Variants in LCLAT1 observed in about 807,000 individuals in gnomAD.
The protein encoded by LCLAT1 is 1-AGP acyltransferase 8.
LCLAT1 carries 11 observed loss-of-function variants against 30.7 expected under a neutral mutation model. That is an observed-to-expected ratio of 0.36 (90% confidence interval 0.23 to 0.59). The LOEUF (loss-of-function observed/expected upper bound fraction) is 0.59. Among genes scored for constraint, LCLAT1 ranks in the 20% least tolerant of loss-of-function variants. The probability of loss-of-function intolerance (pLI) is 0.77; values close to 1 mark genes in which losing one functional copy is unlikely to be tolerated. For synonymous variants in LCLAT1, 155 were observed against 151.3 expected (o/e 1.02, Z -0.18); for missense variants, 402 against 458.6 (o/e 0.88, Z 1.13).
chr2:30,631,436 A>G (rs767764867), intron 5 of LCLAT1, among the ~76,000 whole-genome samples: 3 of 152,184 alleles, frequency 2.0e-5, no homozygotes, highest in Non-Finnish European at 4.4e-5. Context: ...GGAGAGGAGT[A>G]GACTGAATGT....
At chr2:30,576,749 C>T (rs951125475) in intron 5 of LCLAT1, among the ~76,000 whole-genome samples, 1 of 151,956 alleles carries the variant, frequency 6.6e-6, no homozygotes, top group Non-Finnish European at 1.5e-5. Flanking sequence ...GTGTCCATTT[C>T]ATTATTTATA....
chr2:30,514,544 C>T (rs901994197), intron 1 of LCLAT1, among the ~76,000 whole-genome samples: 2 of 152,044 alleles, frequency 1.3e-5, no homozygotes, highest in African/African-American at 4.8e-5. Flanking sequence ...ATGTAAATAC[C>T]AAGAGCCCTC....
At chr2:30,594,950 A>G (rs575604622) in intron 5 of LCLAT1, among the ~76,000 whole-genome samples, 43 of 152,318 alleles carry the variant, frequency 2.8e-4, no homozygotes, top group Middle Eastern at 3.4e-3. Flanking sequence ...CCTAAAGCCT[A>G]TCCCATTCAG....
In LCLAT1 at chr2:30,513,317, A is replaced by G. The variant is rs924394449; in HGVS notation, c.-4-12270A>G. 4.6e-5 allele frequency among the ~76,000 whole-genome samples: 7 copies of G among 151,826 alleles called. No homozygotes were observed. The East Asian group carries it at 9.7e-4, about 21-fold the overall frequency. On this transcript the variant is annotated intron_variant, in intron 1 of 5. Transcript: ENST00000379509. ...GTATTTAAATATATAAATATCAATA[A>G]ATATATGTATATATAAGTCAGCACA...
chr2:30,555,705 A>T (rs1209425983), intron 3 of LCLAT1, among the ~76,000 whole-genome samples: 1 of 152,140 alleles, frequency 6.6e-6, no homozygotes, highest in African/African-American at 2.4e-5. Context: ...TGATAGAATT[A>T]GATGTTTAAA....
intron 2 of LCLAT1, 22 bp from the exon 3 acceptor site, chr2:30,533,094 T>C (rs1379889178): frequency 2.0e-6 from 3 of 1,531,390 alleles, no homozygotes; most frequent in Non-Finnish European, 2.7e-6. Flanking sequence ...TAATTTGCTG[T>C]ATATCTGTAT....
chr2:30,550,808 T>TTA (rs1301748429), intron 3 of LCLAT1, among the ~76,000 whole-genome samples: 1 of 152,138 alleles, frequency 6.6e-6, no homozygotes, highest in Non-Finnish European at 1.5e-5. Context: ...TGCAGACTAT[T>TTA]TATATATATT....
chr2:30,479,795 G>A (rs1683237890), intron 1 of LCLAT1, among the ~76,000 whole-genome samples: 1 of 152,144 alleles, frequency 6.6e-6, no homozygotes, highest in African/African-American at 2.4e-5. Context: ...CTGAAAGTAT[G>A]TACCAAAACG....
chr2:30,607,054 C>T (rs937779675), intron 5 of LCLAT1: 1 of 151,970 alleles, frequency 6.6e-6, no homozygotes, highest in Non-Finnish European at 1.5e-5. Flanking sequence ...CACACCAGTC[C>T]AAATGGCAAT....
At chr2:30,625,473 G>A (rs779075002) in intron 5 of LCLAT1, among the ~76,000 whole-genome samples, 1 of 152,134 alleles carries the variant, frequency 6.6e-6, no homozygotes, top group African/African-American at 2.4e-5. Context: ...CTCTCTAATT[G>A]TCTTACTCCT....
intron 1 of LCLAT1, among the ~76,000 whole-genome samples, chr2:30,521,860 A>C (rs1288132104): frequency 6.6e-6 from 1 of 152,062 alleles, no homozygotes; most frequent in African/African-American, 2.4e-5. Flanking sequence ...CCCTACTTGT[A>C]ATCTTTGCCA....
At chr2:30,583,787 A>G (rs1270819780) in intron 5 of LCLAT1, among the ~76,000 whole-genome samples, 1 of 152,040 alleles carries the variant, frequency 6.6e-6, no homozygotes, top group Non-Finnish European at 1.5e-5. Context: ...ATTGGTATGT[A>G]TATTATATGT....
chr2:30,534,159 C>T (rs966439942), intron 3 of LCLAT1, among the ~76,000 whole-genome samples: 8 of 151,360 alleles, frequency 5.3e-5, no homozygotes, highest in Admixed American at 2.6e-4. Context: ...GGGCAAAGGG[C>T]AGGCCCTCAC....
At chr2:30,476,042 G>T (rs923550522) in intron 1 of LCLAT1, among the ~76,000 whole-genome samples, 1 of 152,140 alleles carries the variant, frequency 6.6e-6, no homozygotes, top group Admixed American at 6.5e-5. Flanking sequence ...ACATTCACTG[G>T]ACCTTAAGCA....
At chr2:30,470,053 G>A (rs1023374465) in intron 1 of LCLAT1, among the ~76,000 whole-genome samples, 2 of 152,104 alleles carry the variant, frequency 1.3e-5, no homozygotes, top group Non-Finnish European at 2.9e-5. Flanking sequence ...TGATTGGTTG[G>A]GTCAGGAATG....
At chr2:30,618,274 A>G (rs999477907) in intron 5 of LCLAT1, among the ~76,000 whole-genome samples, 1 of 152,178 alleles carries the variant, frequency 6.6e-6, no homozygotes, top group Non-Finnish European at 1.5e-5. Flanking sequence ...TATAAAACTT[A>G]GAATCAGTTT....
intron 5 of LCLAT1, among the ~76,000 whole-genome samples, chr2:30,578,037 T>C (rs1666068288): frequency 1.3e-5 from 2 of 152,158 alleles, no homozygotes. Context: ...TGCCACACAA[T>C]TTCTTAGACA....
intron 1 of LCLAT1, among the ~76,000 whole-genome samples, chr2:30,479,770 A>G (rs1683236704): frequency 6.6e-6 from 1 of 152,330 alleles, no homozygotes; most frequent in East Asian, 1.9e-4. Flanking sequence ...ACTGAACACT[A>G]CAGTTTTAAG....
intron 1 of LCLAT1, among the ~76,000 whole-genome samples, chr2:30,487,527 C>T (rs755231516): frequency 6.6e-6 from 1 of 152,008 alleles, no homozygotes; most frequent in Admixed American, 6.5e-5. Context: ...GTTAATAAAA[C>T]AAACTAAAAT....
Sources: allele counts gnomAD v4.1 joint callset (sites outside exome capture counted in the v4.1 genomes callset), GRCh38; gene constraint gnomAD v4.1.1; transcripts MANE v1.5; gene names NCBI Gene and HGNC (gene_info 2026-07-23, HGNC 2026-07-21).